SIRT1: variants seen among roughly 807,000 people sequenced by gnomAD.
The protein encoded by SIRT1 is NAD-dependent protein deacetylase sirtuin-1.
SIRT1 carries 24 observed loss-of-function variants against 67.9 expected under a neutral mutation model. The observed-to-expected ratio is 0.35, with a 90% CI of 0.26 to 0.50. The LOEUF (loss-of-function observed/expected upper bound fraction) is 0.50, where lower values mean the gene tolerates loss of function less well. Ranked by LOEUF, SIRT1 falls within the 20% of genes least tolerant of loss-of-function variation. SIRT1 has a pLI of 0.98. For missense variants in SIRT1, 873 were observed against 937.2 expected (o/e 0.93, Z 0.89); for synonymous variants, 378 against 350.7 (o/e 1.08, Z -0.87).
chr10:67,892,532 T>C (rs1194037474), intron 4 of SIRT1, among the ~76,000 whole-genome samples: 1 of 152,148 alleles, frequency 6.6e-6, no homozygotes, highest in Non-Finnish European at 1.5e-5. Flanking sequence ...TGATCTGCCA[T>C]TGCACTCCAC....
Position 67,885,350 on chromosome 10 carries a change from C to T in SIRT1, c.430+199C>T, listed in dbSNP as rs186798846. 954 of 1,235,850 alleles carry T rather than the reference C, an allele frequency of 7.7e-4. 3 individuals are homozygous for T. In the Middle Eastern group the frequency reaches 9.3e-3, roughly 12 times the overall value. The allele number at this position is 1,235,850 out of a possible 1,614,324, so 76.6% of individuals were successfully genotyped here. A position where few individuals can be genotyped will look rare whatever the true frequency, so the allele number is the denominator to read the frequency against. ...GAGCTGCCAGTGGATTCGCTCTTTT[C>T]CTCCGTCCGTGGCCCGCCTGGGCGG... is the stretch of plus-strand genomic sequence containing the variant. On this transcript the variant is annotated intron_variant, in intron 1 of 8. Transcript: ENST00000212015.
In SIRT1 at chr10:67,917,957, T is replaced by C. The variant is rs1249733156; in HGVS notation, c.*1364T>C. ...ATAAAGTATTCCTCTGTTGCTTTAGTATTTATTACAATAAAAAGGGTTTGA... is the reference window on the plus strand; with the variant it reads ...ATAAAGTATTCCTCTGTTGCTTTAGCATTTATTACAATAAAAAGGGTTTGA... On this transcript the variant is annotated 3_prime_UTR_variant, in exon 9 of 9. Transcript: ENST00000212015. 6.6e-6 allele frequency: 1 copy of C among 152,542 alleles called. No individual in the cohort carries two copies. The highest frequency in any genetic ancestry group is 1.5e-5 in the Non-Finnish European group (1 of 68,042). The allele number at this position is 152,542 out of a possible 1,614,324, so 9.4% of individuals were successfully genotyped here.
At chr10:67,907,933 A>C in intron 5 of SIRT1, 113 bp from the exon 6 acceptor site, 1 of 869,792 alleles carries the variant, frequency 1.1e-6, no homozygotes, top group Non-Finnish European at 1.7e-6. Context: ...AACAAAAACA[A>C]AAATCCTTAA....
chr10:67,906,528 A>G (rs1842822719), intron 4 of SIRT1, among the ~76,000 whole-genome samples: 1 of 152,172 alleles, frequency 6.6e-6, no homozygotes, highest in Admixed American at 6.6e-5. Flanking sequence ...TTATTAAAAT[A>G]TCAACATTTC....
chr10:67,887,800 TC>T (rs1185031437), intron 2 of SIRT1, among the ~76,000 whole-genome samples: 1 of 152,196 alleles, frequency 6.6e-6, no homozygotes, highest in African/African-American at 2.4e-5. Flanking sequence ...GGTCTTGAAC[TC>T]CCGACCTCAG....
intron 6 of SIRT1, among the ~76,000 whole-genome samples, chr10:67,908,899 C>T (rs1392970015): frequency 6.6e-6 from 1 of 152,064 alleles, no homozygotes; most frequent in Non-Finnish European, 1.5e-5. Flanking sequence ...AAGACTCCAT[C>T]TCAAATAAAT....
intron 3 of SIRT1, 124 bp from the exon 4 acceptor site, chr10:67,891,278 T>G: frequency 1.3e-6 from 1 of 773,264 alleles, no homozygotes; most frequent in Non-Finnish European, 2.1e-6. Flanking sequence ...TTTTTATTTC[T>G]TAAAAGAAGT....
chr10:67,909,784 A>C (rs1487822755), intron 7 of SIRT1, among the ~76,000 whole-genome samples: 1 of 151,994 alleles, frequency 6.6e-6, no homozygotes, highest in Non-Finnish European at 1.5e-5. Context: ...CATGTTGGCC[A>C]GGCTGGTCTC....
intron 1 of SIRT1, among the ~76,000 whole-genome samples, 156 bp from the exon 2 acceptor site, chr10:67,887,261 C>G (rs1842497784): frequency 6.6e-6 from 1 of 152,168 alleles, no homozygotes; most frequent in South Asian, 2.1e-4. Context: ...AGAAACTGTT[C>G]CAATGAACAG....
intron 7 of SIRT1, among the ~76,000 whole-genome samples, chr10:67,909,987 C>A (rs1420725667): frequency 6.6e-6 from 1 of 152,132 alleles, no homozygotes; most frequent in Non-Finnish European, 1.5e-5. Context: ...GCTAGGATTA[C>A]AGGCACGAGC....
chr10:67,888,824 A>G lies in SIRT1; in HGVS notation c.548-58A>G, dbSNP rs1426309240. ...ATGCTAACTCATTACTTCAGAAAAT[A>G]AATGAGATTTTGAATTACTTGATAA... On this transcript the variant is annotated intron_variant, in intron 2 of 8. Coordinates refer to ENST00000212015, the MANE Select transcript of SIRT1 (RefSeq NM_012238.5). 1.0e-5 allele frequency: 16 copies of G among 1,532,694 alleles called. No individual in the cohort carries two copies. The East Asian group carries it at 3.4e-4, about 33-fold the overall frequency. The allele number at this position is 1,532,694 out of a possible 1,614,324, so 94.9% of individuals were successfully genotyped here. A position where few individuals can be genotyped will look rare whatever the true frequency, so the allele number is the denominator to read the frequency against.
chr10:67,903,044 G>A (rs1842766415), intron 4 of SIRT1, among the ~76,000 whole-genome samples: 1 of 152,168 alleles, frequency 6.6e-6, no homozygotes, highest in Non-Finnish European at 1.5e-5. Context: ...AGTGAGCCGA[G>A]ATTGTGCCAT....
intron 8 of SIRT1, among the ~76,000 whole-genome samples, chr10:67,915,687 A>G (rs1290808140): frequency 6.6e-6 from 1 of 152,244 alleles, no homozygotes; most frequent in African/African-American, 2.4e-5. Context: ...AAAAAAGTTA[A>G]AATAGTTAAT....
intron 4 of SIRT1, among the ~76,000 whole-genome samples, chr10:67,896,440 G>C (rs904252224): frequency 6.6e-6 from 1 of 152,140 alleles, no homozygotes; most frequent in South Asian, 2.1e-4. Flanking sequence ...CACTGCACCC[G>C]GCCTTGGGCT....
At position 67,909,400 on chromosome 10, in the gene SIRT1, A is replaced by G; in HGVS notation, c.1315A>G (p.Ile439Val). ...DKDEVDLLIVIGSSLKVRPVA... is the reference protein window; with the variant it reads ...DKDEVDLLIVVGSSLKVRPVA... ...AGATGAAGTTGACCTCCTCATTGTT[A>G]TTGGGTCTTCCCTCAAAGTAAGACC... is the stretch of plus-strand genomic sequence containing the variant. Residue 439 changes from isoleucine (I) to valine (V), a missense_variant, in exon 7 of 9, where the codon ATT (isoleucine) becomes GTT (valine). Coordinates refer to ENST00000212015, the MANE Select transcript of SIRT1 (RefSeq NM_012238.5). 2 of 1,612,946 alleles carry G rather than the reference A, an allele frequency of 1.2e-6. No homozygotes were observed. The highest frequency in any genetic ancestry group is 1.1e-5 in the South Asian group (1 of 90,670).
chr10:67,898,074 A>G, intron 4 of SIRT1, among the ~76,000 whole-genome samples: 1 of 149,960 alleles, frequency 6.7e-6, no homozygotes. Flanking sequence ...AGCCTGACCA[A>G]CATGGTGAAA....
At position 67,889,005 on chromosome 10, in the gene SIRT1, T is replaced by C; in HGVS notation, c.671T>C (p.Val224Ala). 1 of 1,613,950 alleles carries C rather than the reference T, an allele frequency of 6.2e-7. No homozygotes were observed. Among genetic ancestry groups the C allele is most frequent in the Non-Finnish European group, 8.5e-7 (1 of 1,179,952 alleles). The change falls in exon 3 of 9, where the codon GTT becomes GCT. Residue 224 changes from valine (V) to alanine (A), a missense_variant. Val to Ala is a moderately conservative substitution (Grantham distance 64). Coordinates refer to ENST00000212015, the MANE Select transcript of SIRT1 (RefSeq NM_012238.5). ...GATGATATGACACTGTGGCAGATTG[T>C]TATTAATATCCTTTCAGAACCACCA... The part of the protein sequence containing the change: ...ELDDMTLWQI[V>A]INILSEPPKR...
chr10:67,914,100 C>G (rs1842943484), intron 8 of SIRT1, among the ~76,000 whole-genome samples: 1 of 112,962 alleles, frequency 8.9e-6, no homozygotes, highest in Admixed American at 1.3e-4. Context: ...GTGACGGAGT[C>G]TCACTCTGTC....
chr10:67,907,701 A>C (rs1842842501), intron 5 of SIRT1, among the ~76,000 whole-genome samples: 1 of 152,134 alleles, frequency 6.6e-6, no homozygotes, highest in Non-Finnish European at 1.5e-5. Context: ...AAGGTAATAG[A>C]GTTGGAACTG....
Sources: gnomAD v4.1 joint callset for allele counts (sites outside exome capture counted in the v4.1 genomes callset) on GRCh38, gnomAD v4.1.1 for gene constraint, MANE v1.5 for transcripts, NCBI Gene and HGNC (gene_info 2026-07-23, HGNC 2026-07-21) for gene names.